NFIA: variants seen among roughly 807,000 people sequenced by gnomAD.
NFIA encodes nuclear factor I A, also known as nuclear factor 1 A-type.
A neutral mutation model predicts 62.8 loss-of-function variants in NFIA; 8 were observed. That is an observed-to-expected ratio of 0.13 (90% CI 0.07 to 0.23). The LOEUF is 0.23. NFIA is among the 10% of genes least tolerant of loss of function. The probability of loss-of-function intolerance (pLI) is 1.00; values close to 1 mark genes in which losing one functional copy is unlikely to be tolerated. For synonymous variants in NFIA, 235 were observed against 238.1 expected, an observed-to-expected ratio of 0.99 and a Z score of 0.12; for missense variants, 410 against 642.1, an observed-to-expected ratio of 0.64 and a Z score of 3.91.
At chr1:61,191,688 A>C (rs1032136854) in intron 2 of NFIA, among the ~76,000 whole-genome samples, 2 of 152,122 alleles carry the variant, frequency 1.3e-5, no homozygotes, top group East Asian at 3.9e-4. Context: ...ATGGCATTCA[A>C]ATCAATTTGT....
chr1:61,269,519 A>T (rs72929877), intron 2 of NFIA, among the ~76,000 whole-genome samples: 1,963 of 152,016 alleles, frequency 0.013, 41 homozygotes, highest in African/African-American at 0.044. Flanking sequence ...ATTTTTTTTT[A>T]AAGTTTCTAA....
chr1:61,160,447 G>T (rs11207702), intron 2 of NFIA, among the ~76,000 whole-genome samples: 3,001 of 152,298 alleles, frequency 0.02, 61 homozygotes, highest in East Asian at 0.092. Flanking sequence ...ACTTTGAAAT[G>T]AGATATTTAA....
At chr1:61,310,916 T>C (rs1014661168) in intron 3 of NFIA, among the ~76,000 whole-genome samples, 1 of 152,122 alleles carries the variant, frequency 6.6e-6, no homozygotes, top group African/African-American at 2.4e-5. Flanking sequence ...GTGTGCTCTT[T>C]CCACTCTTAC....
Position 61,088,321 on chromosome 1 carries a change from T to C in NFIA, c.200T>C (p.Val67Ala). 1 of 1,610,574 alleles carries C rather than the reference T, an allele frequency of 6.2e-7. No individual in the cohort carries two copies. The highest frequency in any genetic ancestry group is 8.5e-7 in the Non-Finnish European group (1 of 1,179,232). ...KDELLSEKPE[V>A]KQKWASRLLA... Reference sequence around the variant, plus strand: ...GAATTGCTAAGTGAAAAACCAGAGGTCAAGCAGAAGTGGGCATCTCGACTT... The same window carrying C: ...GAATTGCTAAGTGAAAAACCAGAGGCCAAGCAGAAGTGGGCATCTCGACTT... The change falls in exon 2 of 11, where the codon GTC (valine) becomes GCC (alanine). Residue 67 changes from valine to alanine, a missense_variant. Physicochemically the swap from Val to Ala is moderately conservative, Grantham distance 64. Coordinates refer to ENST00000403491, the MANE Select transcript of NFIA (RefSeq NM_001134673.4). This position sits in a 1 kb window ranked among gnomAD's most constrained non-coding sequence, Gnocchi z 4.5.
At chr1:61,249,678 G>A (rs376023230) in intron 2 of NFIA, among the ~76,000 whole-genome samples, 1 of 152,078 alleles carries the variant, frequency 6.6e-6, no homozygotes, top group African/African-American at 2.4e-5. Flanking sequence ...GGTGGCAGTC[G>A]CCGGTAGTCC....
chr1:61,228,115 G>A (rs970741672), intron 2 of NFIA, among the ~76,000 whole-genome samples: 1 of 152,176 alleles, frequency 6.6e-6, no homozygotes, highest in Non-Finnish European at 1.5e-5. Context: ...CCCTGCTAAA[G>A]AGAGTCTGAA....
At chr1:61,182,599 G>A (rs1650829730) in intron 2 of NFIA, among the ~76,000 whole-genome samples, 1 of 152,048 alleles carries the variant, frequency 6.6e-6, no homozygotes, top group South Asian at 2.1e-4. Flanking sequence ...AACAGCAAAT[G>A]TTTCCGTTAA....
At chr1:61,178,412 C>G (rs1036595308) in intron 2 of NFIA, among the ~76,000 whole-genome samples, 1 of 152,106 alleles carries the variant, frequency 6.6e-6, no homozygotes. Context: ...AGTGCCTAGG[C>G]TATATGCTAG....
At chr1:61,241,318 G>T (rs1381531585) in intron 2 of NFIA, among the ~76,000 whole-genome samples, 1 of 151,952 alleles carries the variant, frequency 6.6e-6, no homozygotes, top group Non-Finnish European at 1.5e-5. Context: ...TCTGTTAAAG[G>T]GTTAAAGAAT....
chr1:61,398,578 A>C (rs1252188917), intron 7 of NFIA, among the ~76,000 whole-genome samples: 1 of 152,166 alleles, frequency 6.6e-6, no homozygotes, highest in African/African-American at 2.4e-5. Context: ...TATTTCTCTC[A>C]ATTGACATAT....
At chr1:61,256,961 C>T (rs1656436295) in intron 2 of NFIA, among the ~76,000 whole-genome samples, 2 of 152,128 alleles carry the variant, frequency 1.3e-5, no homozygotes, top group Non-Finnish European at 2.9e-5. Context: ...AAATTAAAAC[C>T]TTTCAACTTA....
chr1:61,387,882 A>G (rs1664785648), intron 7 of NFIA, among the ~76,000 whole-genome samples: 1 of 152,240 alleles, frequency 6.6e-6, no homozygotes, highest in South Asian at 2.1e-4. Flanking sequence ...AATGTCCAAG[A>G]CATGGAAGAA....
At chr1:61,273,407 CA>C (rs1657631948) in intron 2 of NFIA, among the ~76,000 whole-genome samples, 1 of 152,114 alleles carries the variant, frequency 6.6e-6, no homozygotes, top group African/African-American at 2.4e-5. Flanking sequence ...AAACCACTCA[CA>C]AACCAGAGGG....
chr1:61,319,248 A>G (rs1392626834), intron 3 of NFIA, among the ~76,000 whole-genome samples: 1 of 152,196 alleles, frequency 6.6e-6, no homozygotes, highest in Non-Finnish European at 1.5e-5. Context: ...TTGGCAAACT[A>G]CACCTAAAGA....
At chr1:61,129,640 G>A (rs1647039739) in intron 2 of NFIA, among the ~76,000 whole-genome samples, 1 of 151,578 alleles carries the variant, frequency 6.6e-6, no homozygotes, top group Admixed American at 6.6e-5. Flanking sequence ...GTAGAGATGG[G>A]GTTTCAGCAT....
At chr1:61,432,513 AC>A in intron 10 of NFIA, among the ~76,000 whole-genome samples, 1 of 151,946 alleles carries the variant, frequency 6.6e-6, no homozygotes, top group South Asian at 2.1e-4. Context: ...GTTAGTTACC[AC>A]ACAGAAGTTC....
intron 2 of NFIA, among the ~76,000 whole-genome samples, chr1:61,117,693 G>C (rs1479825234): frequency 6.6e-6 from 1 of 152,034 alleles, no homozygotes. Flanking sequence ...TGATAATTTG[G>C]TGTCCTGACA....
At chr1:61,156,861 T>A (rs1490657352) in intron 2 of NFIA, among the ~76,000 whole-genome samples, 2 of 152,240 alleles carry the variant, frequency 1.3e-5, no homozygotes, top group Non-Finnish European at 1.5e-5. Flanking sequence ...TCATGTATAA[T>A]AGGGCATGGC....
At chr1:61,164,003 C>T (rs1248637801) in intron 2 of NFIA, among the ~76,000 whole-genome samples, 1 of 152,140 alleles carries the variant, frequency 6.6e-6, no homozygotes, top group African/African-American at 2.4e-5. Context: ...TTACATGAAT[C>T]ATAGGATGCT....
Sources: allele counts gnomAD v4.1 joint callset (sites outside exome capture counted in the v4.1 genomes callset), GRCh38; gene constraint gnomAD v4.1.1; non-coding constraint Gnocchi (gnomAD v3.1); transcripts MANE v1.5; gene names NCBI Gene and HGNC (gene_info 2026-07-23, HGNC 2026-07-21).